NAV3: variants seen among roughly 807,000 people sequenced by gnomAD.
NAV3 encodes pore membrane and/or filament interacting like protein 1.
A neutral mutation model predicts 244.7 loss-of-function variants in NAV3; 87 were observed. The ratio of observed to expected loss-of-function variants is 0.36; its 90% CI spans 0.30 to 0.42. NAV3 has a LOEUF of 0.42. Among genes scored for constraint, NAV3 ranks in the 20% least tolerant of loss-of-function variants. NAV3 has a pLI of 1.00. For missense variants in NAV3, 2,663 were observed against 2,893.3 expected (o/e 0.92, Z 1.83); for synonymous variants, 1,126 against 1,042.2 (o/e 1.08, Z -1.55).
intron 2 of NAV3, among the ~76,000 whole-genome samples, chr12:77,580,500 C>A (rs1869313250): frequency 6.6e-6 from 1 of 152,098 alleles, no homozygotes; most frequent in Non-Finnish European, 1.5e-5. Flanking sequence ...AGAACTCAAC[C>A]CTAGAGCTAG....
intron 2 of NAV3, among the ~76,000 whole-genome samples, chr12:77,711,723 G>C (rs1328035588): frequency 1.3e-5 from 2 of 152,142 alleles, no homozygotes; most frequent in African/African-American, 4.8e-5. Context: ...GGAAGATTTT[G>C]ACTGGAAGCT....
At chr12:77,695,447 G>A (rs1875253046) in intron 2 of NAV3, among the ~76,000 whole-genome samples, 1 of 152,090 alleles carries the variant, frequency 6.6e-6, no homozygotes, top group Non-Finnish European at 1.5e-5. Context: ...TTTGTCAACA[G>A]TGAGTTCACT....
At chr12:77,862,734 G>A (rs2136350197) in intron 1 of NAV3, among the ~76,000 whole-genome samples, 1 of 151,862 alleles carries the variant, frequency 6.6e-6, no homozygotes, top group African/African-American at 2.4e-5. Context: ...TTCATCGGTG[G>A]TGATATGTGA....
At chr12:77,695,682 C>T (rs1476492836) in intron 2 of NAV3, among the ~76,000 whole-genome samples, 1 of 152,110 alleles carries the variant, frequency 6.6e-6, no homozygotes, top group East Asian at 1.9e-4. Context: ...CTAAATGCCC[C>T]TCTCCTCCAT....
chr12:77,698,209 C>G (rs1259038889), intron 2 of NAV3, among the ~76,000 whole-genome samples: 1 of 152,120 alleles, frequency 6.6e-6, no homozygotes, highest in East Asian at 1.9e-4. Context: ...TCCATCTCAT[C>G]CTGTTCCATT....
intron 1 of NAV3, among the ~76,000 whole-genome samples, chr12:77,844,534 T>A (rs1022339988): frequency 6.6e-6 from 1 of 152,200 alleles, no homozygotes; most frequent in African/African-American, 2.4e-5. Context: ...TTTTTTGAGT[T>A]GTGTTTATAG....
chr12:77,664,892 G>A (rs1231409892), intron 2 of NAV3, among the ~76,000 whole-genome samples: 1 of 152,100 alleles, frequency 6.6e-6, no homozygotes, highest in Non-Finnish European at 1.5e-5. Context: ...AGTAAACACA[G>A]ATTTTTATTT....
intron 2 of NAV3, among the ~76,000 whole-genome samples, chr12:77,611,138 T>C (rs890298098): frequency 2.6e-4 from 40 of 152,162 alleles, no homozygotes; most frequent in African/African-American, 8.4e-4. Context: ...TAGTTTTATA[T>C]CTAATAAGCC....
At chr12:77,844,515 GCAATAAA>G (rs1216959719) in intron 1 of NAV3, among the ~76,000 whole-genome samples, 12 of 152,120 alleles carry the variant, frequency 7.9e-5, no homozygotes, top group African/African-American at 2.9e-4. Flanking sequence ...TTCTAGGTGT[GCAATAAA>G]TTTTTTTGAG....
rs140098025 is a variant in NAV3, at chr12:78,125,429, G to A, written c.4239-1738G>A. Among the ~76,000 whole-genome samples the A allele has an allele frequency of 1.6e-4, 24 of 152,218 alleles. No individual in the cohort carries two copies. In the East Asian group the frequency reaches 4.2e-3, roughly 27 times the overall value. On this transcript the variant is annotated intron_variant, in intron 16 of 39. Coordinates refer to ENST00000397909, the MANE Select transcript of NAV3 (RefSeq NM_001024383.2). ...AGTTTTCTCTTCTGCAGCTGCTCTA[G>A]GTCATTGGTGGCCATTGAGCCATAA...
chr12:78,011,206 T>G (rs999255776), intron 8 of NAV3, among the ~76,000 whole-genome samples: 2 of 152,140 alleles, frequency 1.3e-5, no homozygotes, highest in Admixed American at 6.5e-5. Context: ...CCATCTGAAG[T>G]ATTTAAAAAG....
intron 2 of NAV3, among the ~76,000 whole-genome samples, chr12:77,663,290 A>C (rs959606321): frequency 2.0e-5 from 3 of 152,208 alleles, no homozygotes; most frequent in Non-Finnish European, 4.4e-5. Context: ...TCTGACTACT[A>C]TGTGAGGTAT....
intron 2 of NAV3, among the ~76,000 whole-genome samples, chr12:77,742,045 T>C (rs770699464): frequency 1.2e-4 from 18 of 152,108 alleles, no homozygotes; most frequent in Non-Finnish European, 1.9e-4. Flanking sequence ...ATTATTACCG[T>C]GTACTCAATT....
At chr12:77,953,017 T>C (rs528045073) in intron 3 of NAV3, among the ~76,000 whole-genome samples, 80 of 152,248 alleles carry the variant, frequency 5.3e-4, no homozygotes, top group Non-Finnish European at 8.7e-4. Flanking sequence ...AGCAGAAATT[T>C]ATTAAAAAAC....
At chr12:77,788,173 C>T (rs1394764298) in intron 2 of NAV3, among the ~76,000 whole-genome samples, 1 of 152,012 alleles carries the variant, frequency 6.6e-6, no homozygotes, top group East Asian at 1.9e-4. Context: ...ATCAATAGAC[C>T]CAAATAACAT....
At chr12:78,085,694 G>A (rs138213207) in intron 12 of NAV3, among the ~76,000 whole-genome samples, 4 of 152,150 alleles carry the variant, frequency 2.6e-5, no homozygotes, top group Admixed American at 6.6e-5. Context: ...TGTCAGGCAG[G>A]CAGTTTGAAA....
At chr12:77,938,317 C>A (rs1398445762) in intron 1 of NAV3, among the ~76,000 whole-genome samples, 1 of 152,068 alleles carries the variant, frequency 6.6e-6, no homozygotes, top group East Asian at 1.9e-4. Flanking sequence ...AAAATTATTA[C>A]CAAATAAAAG....
Position 77,831,466 on chromosome 12 carries a change from C to T in NAV3, c.5C>T (p.Pro2Leu), listed in dbSNP as rs2136073853. M[P>L]VLGVASKLRQ... ...GAAGATAATTTTATAGAAGCCATGC[C>T]TGTTCTTGGGGTTGCCTCAAAACTG... The change falls in exon 1 of 40, where the codon CCT (proline) becomes CTT (leucine). Residue 2 changes from proline to leucine, a missense_variant. Physicochemically the swap from Pro to Leu is moderately conservative, Grantham distance 98. Transcript: ENST00000397909. The T allele has an allele frequency of 6.2e-7, 1 of 1,600,948 alleles. No homozygotes were observed. Among genetic ancestry groups the T allele is most frequent in the Non-Finnish European group, 8.5e-7 (1 of 1,175,430 alleles).
chr12:77,797,126 A>G (rs1871446729), intron 2 of NAV3, among the ~76,000 whole-genome samples: 1 of 152,226 alleles, frequency 6.6e-6, no homozygotes, highest in Non-Finnish European at 1.5e-5. Flanking sequence ...AATGCCTACC[A>G]CAAACGAACT....
Sources: gnomAD v4.1 joint callset for allele counts (sites outside exome capture counted in the v4.1 genomes callset) on GRCh38, gnomAD v4.1.1 for gene constraint, MANE v1.5 for transcripts, NCBI Gene and HGNC (gene_info 2026-07-23, HGNC 2026-07-21) for gene names.